IP6K1: variants seen among roughly 807,000 people sequenced by gnomAD.
The protein encoded by IP6K1 is ATP:1D-myo-inositol-hexakisphosphate phosphotransferase.
Under a neutral mutation model 38.3 loss-of-function variants are expected in IP6K1, and 13 were observed. The observed-to-expected ratio is 0.34, with a 90% CI of 0.22 to 0.54. The LOEUF is 0.54. IP6K1 is among the 20% of genes least tolerant of loss of function. The probability of loss-of-function intolerance (pLI) is 0.92; values close to 1 mark genes in which losing one functional copy is unlikely to be tolerated. For synonymous variants in IP6K1, 212 were observed against 229.9 expected, an observed-to-expected ratio of 0.92 and a Z score of 0.70; for missense variants, 397 against 599.8, an observed-to-expected ratio of 0.66 and a Z score of 3.53.
At chr3:49,754,594 G>C (rs1343103742) in intron 1 of IP6K1, among the ~76,000 whole-genome samples, 1 of 151,314 alleles carries the variant, frequency 6.6e-6, no homozygotes, top group Non-Finnish European at 1.5e-5. Flanking sequence ...GAAATCATAT[G>C]AGTTTTTTTT....
chr3:49,748,302 T>C, intron 1 of IP6K1, 134 bp from the exon 2 acceptor site: 1 of 486,246 alleles, frequency 2.1e-6, no homozygotes, highest in Admixed American at 3.2e-5. Context: ...CAATACTACG[T>C]GGCACATGAA....
At chr3:49,746,329 A>G in intron 2 of IP6K1, among the ~76,000 whole-genome samples, 1 of 150,452 alleles carries the variant, frequency 6.6e-6, no homozygotes, top group Non-Finnish European at 1.5e-5. Context: ...ATGAATGAAT[A>G]AACAAAATGT....
chr3:49,781,209 C>T (rs1423684943), intron 1 of IP6K1, among the ~76,000 whole-genome samples: 2 of 151,944 alleles, frequency 1.3e-5, no homozygotes, highest in African/African-American at 2.4e-5. Context: ...TTACAAGCAC[C>T]CGCCACCACG....
chr3:49,727,136 C>T lies in IP6K1; in HGVS notation c.1312G>A (p.Asp438Asn). ...NLISIMEQMR[D>N]ENQ ...CAGAACAGGGCCTACTGGTTCTCGTCCCGCATCTGTTCCATGATGCTGATG... is the reference window on the plus strand; with the variant it reads ...CAGAACAGGGCCTACTGGTTCTCGTTCCGCATCTGTTCCATGATGCTGATG... The change falls in exon 6 of 6, where the codon GAC becomes AAC. Residue 438 changes from aspartate (D) to asparagine (N), a missense_variant. Around this residue, in one of 3 missense-constraint regions of IP6K1, gnomAD observed 164 missense variants for 213.5 expected, o/e 0.77. Transcript: ENST00000321599. The surrounding 1 kb of genome is among the most constrained non-coding windows in gnomAD (Gnocchi z 5.9). The T allele has an allele frequency of 6.2e-7, 1 of 1,606,798 alleles. No homozygotes were observed. Among genetic ancestry groups the T allele is most frequent in the Non-Finnish European group, 8.5e-7 (1 of 1,174,960 alleles).
intron 2 of IP6K1, among the ~76,000 whole-genome samples, 176 bp from the exon 3 acceptor site, chr3:49,738,598 G>A (rs2080637498): frequency 1.3e-5 from 2 of 152,104 alleles, no homozygotes; most frequent in South Asian, 2.1e-4. Context: ...ATGGATGACC[G>A]TCCATCCCCA....
intron 2 of IP6K1, among the ~76,000 whole-genome samples, chr3:49,738,689 CTGAT>C (rs2080638243): frequency 6.6e-6 from 1 of 152,216 alleles, no homozygotes; most frequent in Non-Finnish European, 1.5e-5. Context: ...CTTTCAATTA[CTGAT>C]TTTTTGTACC....
At chr3:49,758,097 CAGG>C (rs1204876708) in intron 1 of IP6K1, among the ~76,000 whole-genome samples, 3 of 151,988 alleles carry the variant, frequency 2.0e-5, no homozygotes, top group Non-Finnish European at 4.4e-5. Flanking sequence ...ATCACGAGGT[CAGG>C]AGATCAAGAC....
chr3:49,751,148 C>CTTT (rs765998854), intron 1 of IP6K1, among the ~76,000 whole-genome samples: 977 of 93,266 alleles, frequency 0.01, 8 homozygotes, highest in African/African-American at 0.035. Flanking sequence ...GCTCTGACTC[C>CTTT]TTTTTTTTTT....
chr3:49,783,194 C>A (rs1254202629), intron 1 of IP6K1, among the ~76,000 whole-genome samples: 1 of 151,500 alleles, frequency 6.6e-6, no homozygotes, highest in Non-Finnish European at 1.5e-5. Flanking sequence ...ACAGGAGGAT[C>A]ACTTGAGACT....
intron 3 of IP6K1, 107 bp downstream of exon 3, chr3:49,738,105 G>T: frequency 1.1e-6 from 1 of 886,580 alleles, no homozygotes; most frequent in Non-Finnish European, 1.8e-6. Flanking sequence ...AAGAACACCA[G>T]TCATCTTATC....
At chr3:49,781,252 A>C (rs2081062791) in intron 1 of IP6K1, among the ~76,000 whole-genome samples, 1 of 152,130 alleles carries the variant, frequency 6.6e-6, no homozygotes, top group African/African-American at 2.4e-5. Flanking sequence ...TAGTAGAGAC[A>C]GAGTTTCACC....
Position 49,727,091 on chromosome 3 carries a change from AG to A in IP6K1, c.*30del, listed in dbSNP as rs1322332411. The A allele has an allele frequency of 2.6e-6, 4 of 1,550,440 alleles. No homozygotes were observed. Among genetic ancestry groups the A allele is most frequent in the Non-Finnish European group, 3.5e-6 (4 of 1,146,534 alleles). ...ACAATGGTCCCTGCCTGCAGTGGAG[AG>A]GAAGGGGTTCTGGGGGCCCAGAACA... On this transcript the variant is annotated 3_prime_UTR_variant, in exon 6 of 6. Coordinates refer to ENST00000321599, the MANE Select transcript of IP6K1 (RefSeq NM_153273.4). This position sits in a 1 kb window ranked among gnomAD's most constrained non-coding sequence, Gnocchi z 5.9.
intron 2 of IP6K1, among the ~76,000 whole-genome samples, chr3:49,739,755 G>T (rs2080648586): frequency 1.3e-5 from 2 of 152,150 alleles, no homozygotes; most frequent in South Asian, 4.1e-4. Context: ...CTGGACTCAA[G>T]TGATCCTCCT....
intron 1 of IP6K1, among the ~76,000 whole-genome samples, chr3:49,777,934 CAA>C (rs1363256738): frequency 6.6e-6 from 1 of 151,662 alleles, no homozygotes; most frequent in Non-Finnish European, 1.5e-5. Flanking sequence ...ACAAAAAAAA[CAA>C]TGATAAAGCA....
At chr3:49,743,138 T>C (rs933179030) in intron 2 of IP6K1, among the ~76,000 whole-genome samples, 43 of 151,380 alleles carry the variant, frequency 2.8e-4, no homozygotes, top group African/African-American at 9.5e-4. Flanking sequence ...CTGAGGTCCT[T>C]GAACCCAGGA....
At chr3:49,783,196 C>A (rs1190265516) in intron 1 of IP6K1, among the ~76,000 whole-genome samples, 1 of 151,770 alleles carries the variant, frequency 6.6e-6, no homozygotes, top group Non-Finnish European at 1.5e-5. Flanking sequence ...AGGAGGATCA[C>A]TTGAGACTAG....
rs926321552 is a variant in IP6K1 at position 49,729,003 on chromosome 3, G to T, written c.617-725C>A. ...GAGTCTCGTTCTGTCACCCAGGCTG[G>T]AATGCAATGGCGCCATCTCGGCTCA... On this transcript the variant is annotated intron_variant, in intron 4 of 5. Transcript: ENST00000321599. 5.3e-5 allele frequency among the ~76,000 whole-genome samples: 8 copies of T among 151,168 alleles called. No individual in the cohort carries two copies. The East Asian group carries it at 1.5e-3, about 29-fold the overall frequency.
intron 1 of IP6K1, among the ~76,000 whole-genome samples, chr3:49,779,818 C>A (rs769973398): frequency 6.6e-6 from 1 of 151,986 alleles, no homozygotes; most frequent in African/African-American, 2.4e-5. Flanking sequence ...CCCAAGTAGC[C>A]GAGAATACAG....
At chr3:49,739,836 G>A (rs2080650326) in intron 2 of IP6K1, among the ~76,000 whole-genome samples, 1 of 151,526 alleles carries the variant, frequency 6.6e-6, no homozygotes, top group African/African-American at 2.4e-5. Context: ...CCAACATGTC[G>A]AAACCCCATC....
Sources: allele counts gnomAD v4.1 joint callset (sites outside exome capture counted in the v4.1 genomes callset), GRCh38; gene constraint gnomAD v4.1.1; regional missense constraint gnomAD v4.1.1; non-coding constraint Gnocchi (gnomAD v3.1); transcripts MANE v1.5; gene names NCBI Gene and HGNC (gene_info 2026-07-23, HGNC 2026-07-21).